The following EPM2A variants were observed in gnomAD, a reference collection of about 807,000 sequenced individuals.
The protein encoded by EPM2A is laforin.
Under a neutral mutation model 26.5 loss-of-function variants are expected in EPM2A, and 21 were observed. The ratio of observed to expected loss-of-function variants is 0.79; its 90% CI spans 0.56 to 1.14. The LOEUF (loss-of-function observed/expected upper bound fraction) is 1.14, where lower values mean the gene tolerates loss of function less well. Among genes scored for constraint, EPM2A ranks in the 50% most tolerant of loss-of-function variants. EPM2A has a pLI of 0.00. For synonymous variants in EPM2A, 217 were observed against 177.6 expected (o/e 1.22, Z -1.76); for missense variants, 458 against 440.8 (o/e 1.04, Z -0.35).
At chr6:145,421,256 T>C (rs901071656) in intron 4 of EPM2A, among the ~76,000 whole-genome samples, 6 of 152,178 alleles carry the variant, frequency 3.9e-5, no homozygotes, top group Non-Finnish European at 7.4e-5. Flanking sequence ...AGAAGAATGA[T>C]ACTTTGTGAG....
intron 4 of EPM2A, among the ~76,000 whole-genome samples, chr6:145,424,025 C>G (rs1169547371): frequency 1.3e-5 from 2 of 152,150 alleles, no homozygotes; most frequent in Non-Finnish European, 2.9e-5. Context: ...GCTATGTTCC[C>G]CAGAGTACTG....
chr6:145,597,430 CTAT>C (rs1321513669), intron 2 of EPM2A, among the ~76,000 whole-genome samples: 3 of 151,418 alleles, frequency 2.0e-5, no homozygotes, highest in East Asian at 1.9e-4. Flanking sequence ...TTTTGAGATG[CTAT>C]TATTATTTCA....
intron 4 of EPM2A, among the ~76,000 whole-genome samples, chr6:145,442,594 C>T (rs1362558070): frequency 6.6e-6 from 1 of 152,156 alleles, no homozygotes; most frequent in Admixed American, 6.5e-5. Context: ...CCATTGGGTC[C>T]TTCCACAGCT....
At chr6:145,391,418 A>T (rs991745529) in intron 4 of EPM2A, among the ~76,000 whole-genome samples, 2 of 152,084 alleles carry the variant, frequency 1.3e-5, no homozygotes, top group African/African-American at 4.8e-5. Flanking sequence ...TTCACCTTTT[A>T]ATGTATAGGG....
At chr6:145,465,798 C>G (rs1779383870) in intron 4 of EPM2A, among the ~76,000 whole-genome samples, 2 of 151,990 alleles carry the variant, frequency 1.3e-5, no homozygotes, top group South Asian at 4.1e-4. Context: ...AGATATAGAT[C>G]AATGGAACAG....
intron 2 of EPM2A, among the ~76,000 whole-genome samples, chr6:145,517,688 C>T (rs1267634239): frequency 6.6e-6 from 1 of 152,170 alleles, no homozygotes; most frequent in East Asian, 1.9e-4. Context: ...TCAGCAGTGT[C>T]TGCGAAGGGA....
At chr6:145,719,872 C>G (rs1252368259) in intron 1 of EPM2A, among the ~76,000 whole-genome samples, 1 of 152,058 alleles carries the variant, frequency 6.6e-6, no homozygotes, top group Non-Finnish European at 1.5e-5. Context: ...GTTTTCCTAA[C>G]TGAAGGTGCA....
At chr6:145,662,419 C>G (rs1292598720) in intron 2 of EPM2A, among the ~76,000 whole-genome samples, 1 of 147,060 alleles carries the variant, frequency 6.8e-6, no homozygotes, top group East Asian at 2.0e-4. Context: ...TAAAACTAGA[C>G]CAAGAAAAAT....
chr6:145,490,148 T>C (rs1330893765), intron 4 of EPM2A: 4 of 1,085,000 alleles, frequency 3.7e-6, no homozygotes, highest in East Asian at 2.4e-5. Flanking sequence ...TGCACACGTT[T>C]CTACTGAAAG....
At chr6:145,527,299 A>C (rs1780289079) in intron 2 of EPM2A, among the ~76,000 whole-genome samples, 1 of 152,056 alleles carries the variant, frequency 6.6e-6, no homozygotes, top group African/African-American at 2.4e-5. Context: ...ATGTCTATTA[A>C]GTTTAATTGG....
intron 1 of EPM2A, among the ~76,000 whole-genome samples, chr6:145,693,929 A>G (rs923198131): frequency 1.3e-5 from 2 of 151,952 alleles, no homozygotes; most frequent in Admixed American, 6.6e-5. Flanking sequence ...TGGCACTCCA[A>G]TTAAAGCCAC....
intron 4 of EPM2A, among the ~76,000 whole-genome samples, chr6:145,438,903 A>G (rs1326151481): frequency 7.9e-6 from 1 of 126,966 alleles, no homozygotes; most frequent in African/African-American, 3.0e-5. Flanking sequence ...GGTACTCAGC[A>G]TAGTACCCAA....
At chr6:145,592,952 C>A (rs1021711884) in intron 2 of EPM2A, among the ~76,000 whole-genome samples, 19 of 151,858 alleles carry the variant, frequency 1.3e-4, no homozygotes, top group African/African-American at 2.9e-4. Context: ...TTAATTCAAC[C>A]ATATCAATAA....
chr6:145,530,486 T>C (rs1173769699), intron 2 of EPM2A, among the ~76,000 whole-genome samples: 2 of 145,562 alleles, frequency 1.4e-5, no homozygotes, highest in Non-Finnish European at 3.0e-5. Context: ...GGAAAGCTTG[T>C]TGTTAAGAGA....
chr6:145,419,165 A>T (rs997245866), intron 4 of EPM2A, among the ~76,000 whole-genome samples: 7 of 138,580 alleles, frequency 5.1e-5, no homozygotes, highest in African/African-American at 2.0e-4. Flanking sequence ...TTGCCCAAGC[A>T]AATTCTGTTA....
chr6:145,508,845 C>T (rs1194470942), intron 2 of EPM2A, among the ~76,000 whole-genome samples: 1 of 152,072 alleles, frequency 6.6e-6, no homozygotes, highest in Non-Finnish European at 1.5e-5. Context: ...CACAAACAAG[C>T]CAGCAAAATG....
intron 4 of EPM2A, among the ~76,000 whole-genome samples, chr6:145,458,336 G>A (rs1043026271): frequency 2.6e-5 from 4 of 152,076 alleles, no homozygotes; most frequent in Admixed American, 1.3e-4. Flanking sequence ...TTGTCTCTCA[G>A]TATTTCTGTG....
rs563777945 is a variant in EPM2A at position 145,452,489 on chromosome 6, C to CA, written c.555+50032dup. ...TGAAACCCAGTCTCTACTAAAAATA[C>CA]AAAAAAAAAAAAAAAAAAAAAAAAA... On this transcript the variant is annotated intron_variant, in intron 4 of 4. Transcript: ENST00000638717. Among the ~76,000 whole-genome samples the CA allele has an allele frequency of 5.5e-3, 417 of 75,820 alleles. 21 individuals carry two copies. The highest frequency in any genetic ancestry group is 0.011 in the African/African-American group (184 of 16,406). The allele number at this position is 75,820 out of a possible 152,430, so 49.7% of individuals were successfully genotyped here.
chr6:145,706,013 G>A (rs1184808717), intron 1 of EPM2A: 4 of 448,852 alleles, frequency 8.9e-6, no homozygotes, highest in Non-Finnish European at 1.8e-5. Flanking sequence ...GGTTTGCATA[G>A]AAGGCTGGAA....
Sources: allele counts gnomAD v4.1 joint callset (sites outside exome capture counted in the v4.1 genomes callset), GRCh38; gene constraint gnomAD v4.1.1; transcripts MANE v1.5; gene names NCBI Gene and HGNC (gene_info 2026-07-23, HGNC 2026-07-21).